The following CNTN3 variants were observed in gnomAD, a reference collection of about 807,000 sequenced individuals.
CNTN3 encodes the protein contactin-3.
In CNTN3, 60 loss-of-function variants were observed where a neutral mutation model predicts 119.1. The ratio of observed to expected loss-of-function variants is 0.50; its 90% CI spans 0.41 to 0.62. The LOEUF (loss-of-function observed/expected upper bound fraction) is 0.62, where lower values mean the gene tolerates loss of function less well. Ranked by LOEUF, CNTN3 falls within the 20% of genes least tolerant of loss-of-function variation. The probability of loss-of-function intolerance (pLI) is 0.00; values close to 1 mark genes in which losing one functional copy is unlikely to be tolerated. For missense variants in CNTN3, 1,101 were observed against 1,242.4 expected (o/e 0.89, Z 1.71); for synonymous variants, 450 against 438.7 (o/e 1.03, Z -0.32).
chr3:74,536,431 C>T (rs1703766256), intron 1 of CNTN3, among the ~76,000 whole-genome samples: 1 of 152,118 alleles, frequency 6.6e-6, no homozygotes, highest in South Asian at 2.1e-4. Context: ...AGAGTTGACA[C>T]ATTTCAGATC....
At chr3:74,544,783 A>G (rs532644396) in intron 1 of CNTN3, among the ~76,000 whole-genome samples, 1 of 152,100 alleles carries the variant, frequency 6.6e-6, no homozygotes, top group Non-Finnish European at 1.5e-5. Flanking sequence ...TATTTTTAGT[A>G]GAGACAGGGT....
intron 5 of CNTN3, among the ~76,000 whole-genome samples, chr3:74,402,628 T>C (rs1164278229): frequency 6.6e-6 from 1 of 152,204 alleles, no homozygotes; most frequent in Non-Finnish European, 1.5e-5. Flanking sequence ...CTGAAAACTT[T>C]AGCAAAGCCC....
Position 74,471,942 on chromosome 3 carries a change from G to A in CNTN3, c.358+14514C>T, listed in dbSNP as rs769777303. Among the ~76,000 whole-genome samples, 13 of 152,128 alleles carry A rather than the reference G, an allele frequency of 8.5e-5. 1 individual carries two copies. Among genetic ancestry groups the A allele is most frequent in the African/African-American group, 7.2e-5 (3 of 41,424 alleles). ...ATGCTCAGCCTTTTGTGAAGAGTCC[G>A]ACACACAGAAAAGGCTCAATTCCTG... On this transcript the variant is annotated intron_variant, in intron 4 of 22. Transcript: ENST00000263665.
intron 1 of CNTN3, among the ~76,000 whole-genome samples, chr3:74,538,616 A>G (rs1013357052): frequency 6.6e-6 from 1 of 152,184 alleles, no homozygotes. Flanking sequence ...GTATTTGAAT[A>G]AATAAAGGTT....
At chr3:74,547,867 T>C (rs1271089163) in intron 1 of CNTN3, among the ~76,000 whole-genome samples, 1 of 152,114 alleles carries the variant, frequency 6.6e-6, no homozygotes, top group Non-Finnish European at 1.5e-5. Flanking sequence ...TAAGAATGTT[T>C]CTCCCGCCAC....
intron 1 of CNTN3, among the ~76,000 whole-genome samples, chr3:74,522,641 C>G (rs1703559726): frequency 6.6e-6 from 1 of 151,718 alleles, no homozygotes. Flanking sequence ...CCTATAGAAC[C>G]AATGCCTAAG....
chr3:74,590,322 T>C (rs1365149320), intron 1 of CNTN3, among the ~76,000 whole-genome samples: 1 of 151,908 alleles, frequency 6.6e-6, no homozygotes, highest in Non-Finnish European at 1.5e-5. Flanking sequence ...TATATTCATG[T>C]GGGAAAAGTA....
At chr3:74,510,986 T>C (rs2107103519) in intron 2 of CNTN3, among the ~76,000 whole-genome samples, 1 of 152,242 alleles carries the variant, frequency 6.6e-6, no homozygotes, top group South Asian at 2.1e-4. Context: ...TCTACAATCA[T>C]ATGATACGTA....
intron 1 of CNTN3, among the ~76,000 whole-genome samples, chr3:74,544,482 T>G (rs1703885706): frequency 6.6e-6 from 1 of 152,198 alleles, no homozygotes; most frequent in African/African-American, 2.4e-5. Context: ...GGCACTTATT[T>G]AAAAATTCAA....
At chr3:74,590,984 A>T (rs754319736) in intron 1 of CNTN3, among the ~76,000 whole-genome samples, 4 of 151,968 alleles carry the variant, frequency 2.6e-5, no homozygotes, top group Non-Finnish European at 4.4e-5. Flanking sequence ...AAGAAAAATG[A>T]CTCAGATATT....
Position 74,305,819 on chromosome 3 carries a change from T to C in CNTN3, c.1669-3012A>G, listed in dbSNP as rs1228838307. On this transcript the variant is annotated intron_variant, in intron 13 of 22. Transcript: ENST00000263665. ...CATTTTGTGAAAATGAATTGGGCTATCCTCTTATGACTTGTTCATTTCTTG... is the reference window on the plus strand; with the variant it reads ...CATTTTGTGAAAATGAATTGGGCTACCCTCTTATGACTTGTTCATTTCTTG... Among the ~76,000 whole-genome samples, 4 of 151,410 alleles carry C rather than the reference T, an allele frequency of 2.6e-5. No individual in the cohort carries two copies. The Admixed American group carries it at 2.6e-4, about 10-fold the overall frequency.
chr3:74,555,082 G>A lies in CNTN3; in HGVS notation c.-80-33890C>T, dbSNP rs142387558. 2.2e-3 allele frequency among the ~76,000 whole-genome samples: 334 copies of A among 152,210 alleles called. 1 individual carries two copies. The highest frequency in any genetic ancestry group is 6.7e-3 in the African/African-American group (280 of 41,532). ...AACAGCTCTTATTATATTGAGATAC[G>A]TTCAATCGATACCTAGTTTATTGAG... is the stretch of plus-strand genomic sequence containing the variant. On this transcript the variant is annotated intron_variant, in intron 1 of 22. Transcript: ENST00000263665.
Position 74,275,509 on chromosome 3 carries a change from A to T in CNTN3, c.2705-8131T>A, listed in dbSNP as rs547351890. Among the ~76,000 whole-genome samples the T allele has an allele frequency of 5.7e-4, 87 of 152,324 alleles. 1 individual carries two copies. Among genetic ancestry groups the T allele is most frequent in the African/African-American group, 2.0e-3 (83 of 41,580 alleles). ...GGCCCAATCTTCAGCCTCCTCAAAC[A>T]AAACAATTATCAGCCAATAATTTTG... On this transcript the variant is annotated intron_variant, in intron 20 of 22. Transcript: ENST00000263665.
chr3:74,580,308 A>G (rs1704483525), intron 1 of CNTN3, among the ~76,000 whole-genome samples: 1 of 152,208 alleles, frequency 6.6e-6, no homozygotes, highest in Non-Finnish European at 1.5e-5. Flanking sequence ...GAATTCCAAC[A>G]TTAAGAAAAT....
intron 1 of CNTN3, among the ~76,000 whole-genome samples, chr3:74,545,665 T>C (rs1041213296): frequency 2.0e-5 from 3 of 152,252 alleles, no homozygotes; most frequent in African/African-American, 7.2e-5. Flanking sequence ...TGATACAGGA[T>C]AATCTTTAAA....
intron 13 of CNTN3, among the ~76,000 whole-genome samples, chr3:74,323,091 C>G (rs992043320): frequency 6.6e-6 from 1 of 152,056 alleles, no homozygotes; most frequent in Non-Finnish European, 1.5e-5. Flanking sequence ...TACACTTGCA[C>G]CAATAGAATG....
At chr3:74,338,851 G>A (rs1703462258) in intron 11 of CNTN3, among the ~76,000 whole-genome samples, 1 of 151,950 alleles carries the variant, frequency 6.6e-6, no homozygotes, top group South Asian at 2.1e-4. Flanking sequence ...ACAGAGAAAG[G>A]TCAAAAATTC....
At chr3:74,483,479 A>G (rs1702798548) in intron 4 of CNTN3, among the ~76,000 whole-genome samples, 1 of 152,142 alleles carries the variant, frequency 6.6e-6, no homozygotes, top group South Asian at 2.1e-4. Flanking sequence ...CTAACTGCTC[A>G]TTGCCATGCT....
intron 1 of CNTN3, among the ~76,000 whole-genome samples, chr3:74,600,126 A>G (rs1456942744): frequency 6.6e-6 from 1 of 152,132 alleles, no homozygotes; most frequent in East Asian, 1.9e-4. Context: ...TGGGATAAGA[A>G]GAGTGGGACA....
Sources: gnomAD v4.1 joint callset for allele counts (sites outside exome capture counted in the v4.1 genomes callset) on GRCh38, gnomAD v4.1.1 for gene constraint, MANE v1.5 for transcripts, NCBI Gene and HGNC (gene_info 2026-07-23, HGNC 2026-07-21) for gene names.